Variants in CYP2A6 observed in about 807,000 individuals in gnomAD.
The protein encoded by CYP2A6 is cytochrome P450 family 2 subfamily A member 6.
In CYP2A6, 27 loss-of-function variants were observed where a neutral mutation model predicts 42.3. That is an observed-to-expected ratio of 0.64 (90% CI 0.47 to 0.88). The LOEUF (loss-of-function observed/expected upper bound fraction) is 0.88. Ranked by LOEUF, CYP2A6 falls within the 40% of genes least tolerant of loss-of-function variation. The probability of loss-of-function intolerance (pLI) is 0.00; values close to 1 mark genes in which losing one functional copy is unlikely to be tolerated. For missense variants in CYP2A6, 628 were observed against 646.0 expected (o/e 0.97, Z 0.30); for synonymous variants, 238 against 246.3 (o/e 0.97, Z 0.31).
In CYP2A6 at chr19:40,845,306, G is replaced by T; in HGVS notation, c.1149C>A (p.Phe383Leu). Residue 383 changes from phenylalanine (F) to leucine (L), a missense_variant, in exon 7 of 9, where the codon TTC (phenylalanine) becomes TTA (leucine). By Grantham distance (22) the Phe-to-Leu change is conservative. Around this residue, in one of 2 missense-constraint regions of CYP2A6, gnomAD observed 606 missense variants for 568.1 expected, o/e 1.07. Coordinates refer to ENST00000301141, the MANE Select transcript of CYP2A6 (RefSeq NM_000762.6). The stretch of plus-strand genomic sequence containing the variant: ...GGGCGGATAGCACCTTAGGGAGGAA[G>T]AAATCCCGAAACTTGGTGTCCTTTT... ...RVKKDTKFRD[F>L]FLPKGTEVYP... is the part of the protein sequence containing the mutation. 1.2e-6 allele frequency: 2 copies of T among 1,600,238 alleles called. No individual in the cohort carries two copies. Among genetic ancestry groups the T allele is most frequent in the Non-Finnish European group, 1.7e-6 (2 of 1,169,148 alleles).
Position 40,848,977 on chromosome 19 carries a change from A to G in CYP2A6, c.344-214T>C, listed in dbSNP as rs1414666758. Among the ~76,000 whole-genome samples the G allele has an allele frequency of 4.9e-4, 36 of 73,680 alleles. 1 individual carries two copies. Among genetic ancestry groups the G allele is most frequent in the Admixed American group, 1.3e-3 (9 of 7,184 alleles). 48.3% of individuals were successfully genotyped at this position (73,680 alleles called of 152,430 possible). On this transcript the variant is annotated intron_variant, in intron 2 of 8. Coordinates refer to ENST00000301141, the MANE Select transcript of CYP2A6 (RefSeq NM_000762.6). ...GAGAGAGAGAGAGAGAGAGAGAGAGAAGAGAGAGAGGAGAGAGAGAGAGAG... is the reference window on the plus strand; with the variant it reads ...GAGAGAGAGAGAGAGAGAGAGAGAGGAGAGAGAGAGGAGAGAGAGAGAGAG...
chr19:40,845,040 G>T (rs2083448713), intron 7 of CYP2A6: 6 of 647,342 alleles, frequency 9.3e-6, no homozygotes, highest in Non-Finnish European at 1.6e-5. Context: ...CGAATGGAAA[G>T]GGGGCTTCTG....
chr19:40,846,078 G>A lies in CYP2A6; in HGVS notation c.851C>T (p.Thr284Met), dbSNP rs201027514. 68 of 1,611,652 alleles carry A rather than the reference G, an allele frequency of 4.2e-5. 2 individuals are homozygous for A. Among genetic ancestry groups the A allele is most frequent in the African/African-American group, 5.4e-5 (4 of 74,682 alleles). The stretch of plus-strand genomic sequence containing the variant: ...CACCAGGTTTTTCAAGTAGAACTCC[G>A]TGTTGGGGTTCTTCTCCTCCTGCAG... ...RMQEEEKNPN[T>M]EFYLKNLVMT... The change falls in exon 6 of 9, where the codon ACG becomes ATG. Residue 284 changes from threonine (T) to methionine (M), a missense_variant. Thr to Met is a moderately conservative substitution (Grantham distance 81). Transcript: ENST00000301141.
In CYP2A6 at chr19:40,843,726, C is replaced by G; in HGVS notation, c.*70G>C. ...CCCCCAGTCTTAGCTGCGCCCCTCT[C>G]CCAAGCCCGGTCTTGGCCCTGCCCT... On this transcript the variant is annotated 3_prime_UTR_variant, in exon 9 of 9. Coordinates refer to ENST00000301141, the MANE Select transcript of CYP2A6 (RefSeq NM_000762.6). 1 of 1,380,584 alleles carries G rather than the reference C, an allele frequency of 7.2e-7. No individual in the cohort carries two copies. The highest frequency in any genetic ancestry group is 9.7e-7 in the Non-Finnish European group (1 of 1,030,808). 85.5% of individuals were successfully genotyped at this position (1,380,584 alleles called of 1,614,324 possible).
chr19:40,847,939 G>A lies in CYP2A6; in HGVS notation c.654+280C>T, dbSNP rs542490761. Among the ~76,000 whole-genome samples, 3 of 151,842 alleles carry A rather than the reference G, an allele frequency of 2.0e-5. No homozygotes were observed. In the East Asian group the frequency reaches 6.0e-4, roughly 30 times the overall value. ...AGAAATTACGGTAAGTTGGGGATGGGAACACGTGCCCAGGTGAGAGAGCTG... is the reference window on the plus strand; with the variant it reads ...AGAAATTACGGTAAGTTGGGGATGGAAACACGTGCCCAGGTGAGAGAGCTG... On this transcript the variant is annotated intron_variant, in intron 4 of 8. Coordinates refer to ENST00000301141, the MANE Select transcript of CYP2A6 (RefSeq NM_000762.6).
chr19:40,849,690 G>A lies in CYP2A6; in HGVS notation c.343+128C>T, dbSNP rs1304905120. ...TGGAGAGGCCACAATGAAGGGAGAT[G>A]GGGAGGGAAGACCAGACTGGGGACT... On this transcript the variant is annotated intron_variant, in intron 2 of 8. Coordinates refer to ENST00000301141, the MANE Select transcript of CYP2A6 (RefSeq NM_000762.6). The A allele has an allele frequency of 8.6e-6, 13 of 1,511,222 alleles. 1 individual carries two copies. The highest frequency in any genetic ancestry group is 1.1e-5 in the Non-Finnish European group (12 of 1,122,658). The allele number at this position is 1,511,222 out of a possible 1,614,324, so 93.6% of individuals were successfully genotyped here.
At chr19:40,844,820 G>A (rs1048067854) in intron 7 of CYP2A6, 48 bp from the exon 8 acceptor site, 16 of 1,579,492 alleles carry the variant, frequency 1.0e-5, no homozygotes, top group Non-Finnish European at 1.4e-5. Flanking sequence ...TCGGGGGATT[G>A]GTGAAAGTAC....
chr19:40,844,766 C>T lies in CYP2A6; in HGVS notation c.1168G>A (p.Glu390Lys), dbSNP rs376817657. The part of the protein sequence containing the change: ...FRDFFLPKGT[E>K]VYPMLGSVLR... ...ACAGAGCCCAGCATAGGGTACACTT[C>T]GGTGCCCTGGTAGGGAGGAGGAAGT... is the stretch of plus-strand genomic sequence containing the variant. The change falls in exon 8 of 9, where the codon GAA becomes AAA. Residue 390 changes from glutamate to lysine, a missense_variant. By Grantham distance (56) the Glu-to-Lys change is moderately conservative. This residue lies in a region of CYP2A6 where 606 missense variants were observed against 568.1 expected (regional missense o/e 1.07). Coordinates refer to ENST00000301141, the MANE Select transcript of CYP2A6 (RefSeq NM_000762.6). 1.1e-4 allele frequency: 177 copies of T among 1,610,482 alleles called. 4 individuals are homozygous for T. The highest frequency in any genetic ancestry group is 3.9e-4 in the East Asian group (17 of 43,266).
rs752300065 is a variant in CYP2A6 at position 40,849,934 on chromosome 19, C to G, written c.227G>C (p.Arg76Pro). The G allele has an allele frequency of 3.1e-6, 5 of 1,611,380 alleles. No homozygotes were observed. The highest frequency in any genetic ancestry group is 3.3e-5 in the Admixed American group (2 of 59,952). The change falls in exon 2 of 9, where the codon CGG becomes CCG. Residue 76 changes from arginine (R) to proline (P), a missense_variant. This residue lies in a region of CYP2A6 where 606 missense variants were observed against 568.1 expected (regional missense o/e 1.07). Coordinates refer to ENST00000301141, the MANE Select transcript of CYP2A6 (RefSeq NM_000762.6). ...GPVFTIHLGP[R>P]RVVVLCGHDA... ...ATGTCCACACAGCACCACGACCCGC[C>G]GGGGCCCCAAGTGAATGGTGAACAC...
At position 40,848,373 on chromosome 19, in the gene CYP2A6, T is replaced by C. The variant is rs758215581; in HGVS notation, c.500A>G (p.Asn167Ser). Residue 167 changes from asparagine (N) to serine (S), a missense_variant, in exon 4 of 9, where the codon AAT (asparagine) becomes AGT (serine). This residue lies in a region of CYP2A6 where 606 missense variants were observed against 568.1 expected (regional missense o/e 1.07). Coordinates refer to ENST00000301141, the MANE Select transcript of CYP2A6 (RefSeq NM_000762.6). ...IDALRGTGGA[N>S]IDPTFFLSRT... The stretch of plus-strand genomic sequence containing the variant: ...GCTCAGGAAGAAGGTGGGATCGATA[T>C]TGGCGCCTGCGGGTATGGCGGGAGA... 5.6e-6 allele frequency: 9 copies of C among 1,611,744 alleles called. No homozygotes were observed. In the East Asian group the frequency reaches 1.2e-4, roughly 21 times the overall value.
chr19:40,845,175 T>G, intron 7 of CYP2A6, 119 bp downstream of exon 7: 1 of 1,349,948 alleles, frequency 7.4e-7, no homozygotes, highest in Non-Finnish European at 1.0e-6. Context: ...GGGGAAGTCT[T>G]TTTTGACTGA....
intron 2 of CYP2A6, among the ~76,000 whole-genome samples, chr19:40,849,070 G>A (rs2069890374): frequency 6.9e-6 from 1 of 144,502 alleles, no homozygotes; most frequent in Non-Finnish European, 1.5e-5. Context: ...GAGAGAGAGA[G>A]AGAGAGAGAG....
chr19:40,844,543 A>T lies in CYP2A6; in HGVS notation c.1303+88T>A, dbSNP rs186833314. 8 of 1,604,062 alleles carry T rather than the reference A, an allele frequency of 5.0e-6. No individual in the cohort carries two copies. The Admixed American group carries it at 1.3e-4, about 27-fold the overall frequency. On this transcript the variant is annotated intron_variant, in intron 8 of 8. Coordinates refer to ENST00000301141, the MANE Select transcript of CYP2A6 (RefSeq NM_000762.6). ...ACAGGAACTTCCAAGCTGGAGAAAT[A>T]CCAGGCTACACCGCAGAGAGGGGAG...
chr19:40,843,636 A>G lies in CYP2A6; in HGVS notation c.*160T>C. ...AGCTCGGAAGCACCTTATCAAGGTG[A>G]ACTGAGCCGCTTCTGTTTCTTCTCT... On this transcript the variant is annotated 3_prime_UTR_variant, in exon 9 of 9. Coordinates refer to ENST00000301141, the MANE Select transcript of CYP2A6 (RefSeq NM_000762.6). 8.9e-7 allele frequency: 1 copy of G among 1,121,890 alleles called. No individual in the cohort carries two copies. Among genetic ancestry groups the G allele is most frequent in the South Asian group, 1.7e-5 (1 of 58,800 alleles). The allele number at this position is 1,121,890 out of a possible 1,614,324, so 69.5% of individuals were successfully genotyped here. A position where few individuals can be genotyped will look rare whatever the true frequency, so the allele number is the denominator to read the frequency against.
rs28399483 is a variant in CYP2A6, at chr19:40,843,592, G to T, written c.*204C>A. ...CTACTCTTCATAGCATAATGTAAGGGTTTCCTTCCTCTCATCCCAGCTCGG... is the reference window on the plus strand; with the variant it reads ...CTACTCTTCATAGCATAATGTAAGGTTTTCCTTCCTCTCATCCCAGCTCGG... On this transcript the variant is annotated 3_prime_UTR_variant, in exon 9 of 9. Transcript: ENST00000301141. The T allele has an allele frequency of 4.2e-3, 3,953 of 930,276 alleles. 61 individuals carry two copies. In the East Asian group the frequency reaches 0.055, roughly 13 times the overall value. 57.6% of individuals were successfully genotyped at this position (930,276 alleles called of 1,614,324 possible).
intron 8 of CYP2A6, 101 bp downstream of exon 8, chr19:40,844,530 A>T: frequency 6.3e-7 from 1 of 1,598,076 alleles, no homozygotes; most frequent in Non-Finnish European, 8.5e-7. Flanking sequence ...AGGAACTTCC[A>T]AGCTGGAGAA....
chr19:40,849,040 A>AG (rs1967168489), intron 2 of CYP2A6, among the ~76,000 whole-genome samples: 1 of 40,736 alleles, frequency 2.5e-5, no homozygotes, highest in Non-Finnish European at 5.3e-5. Context: ...GAGAGAAGAG[A>AG]GAGAGGAGAG....
Position 40,846,768 on chromosome 19 carries a change from T to G in CYP2A6, c.831+107A>C, listed in dbSNP as rs572642295. 2.0e-6 allele frequency: 3 copies of G among 1,478,360 alleles called. 1 individual carries two copies. The highest frequency in any genetic ancestry group is 5.1e-5 in the East Asian group (2 of 39,314). 91.6% of individuals were successfully genotyped at this position (1,478,360 alleles called of 1,614,324 possible). A position where few individuals can be genotyped will look rare whatever the true frequency, so the allele number is the denominator to read the frequency against. The stretch of plus-strand genomic sequence containing the variant: ...ACCCAGCCAATTGTGAGGATTATTA[T>G]GATGAGGGTTAATTTGAATGGGCCT... On this transcript the variant is annotated intron_variant, in intron 5 of 8. Coordinates refer to ENST00000301141, the MANE Select transcript of CYP2A6 (RefSeq NM_000762.6).
At chr19:40,845,623 C>G in intron 6 of CYP2A6, 142 bp from the exon 7 acceptor site, 2 of 1,385,470 alleles carry the variant, frequency 1.4e-6, no homozygotes, top group Non-Finnish European at 1.9e-6. Flanking sequence ...AGACATCAGC[C>G]ATTCGCATTG....
Sources: allele counts gnomAD v4.1 joint callset (sites outside exome capture counted in the v4.1 genomes callset), GRCh38; gene constraint gnomAD v4.1.1; regional missense constraint gnomAD v4.1.1; transcripts MANE v1.5; gene names NCBI Gene and HGNC (gene_info 2026-07-23, HGNC 2026-07-21).